The following RABEP1 variants were observed in gnomAD, a reference collection of about 807,000 sequenced individuals.
The protein encoded by RABEP1 is rabaptin, RAB GTPase binding effector protein 1, also known as rab GTPase-binding effector protein 1.
Under a neutral mutation model 123.4 loss-of-function variants are expected in RABEP1, and 51 were observed. That is an observed-to-expected ratio of 0.41 (90% confidence interval 0.33 to 0.52). The LOEUF (loss-of-function observed/expected upper bound fraction) is 0.52, where lower values mean the gene tolerates loss of function less well. Ranked by LOEUF, RABEP1 falls within the 20% of genes least tolerant of loss-of-function variation. The pLI is 0.16. For missense variants in RABEP1, 888 were observed against 996.3 expected (o/e 0.89, Z 1.46); for synonymous variants, 347 against 355.2 (o/e 0.98, Z 0.26).
At chr17:5,314,595 T>G (rs2075278003) in intron 2 of RABEP1, among the ~76,000 whole-genome samples, 2 of 150,952 alleles carry the variant, frequency 1.3e-5, no homozygotes, top group African/African-American at 2.4e-5. Context: ...CTCGGCTCAC[T>G]GCAAGCTCCG....
chr17:5,373,191 G>T (rs1910662324), intron 12 of RABEP1, 123 bp from the exon 13 acceptor site: 3 of 810,858 alleles, frequency 3.7e-6, no homozygotes, highest in Middle Eastern at 3.3e-4. Context: ...AAGTCTAGCA[G>T]AACTTCACCA....
intron 5 of RABEP1, among the ~76,000 whole-genome samples, chr17:5,344,665 G>A (rs974045439): frequency 1.3e-5 from 2 of 151,650 alleles, no homozygotes; most frequent in Admixed American, 1.3e-4. Context: ...CCAGCTACTT[G>A]GGAGGCTGAG....
chr17:5,291,270 C>A (rs948421100), intron 1 of RABEP1, among the ~76,000 whole-genome samples: 1 of 151,860 alleles, frequency 6.6e-6, no homozygotes, highest in African/African-American at 2.4e-5. Context: ...ATTAACTGGG[C>A]GTGGTGGTGG....
intron 11 of RABEP1, among the ~76,000 whole-genome samples, chr17:5,367,322 A>ACT (rs1380554975): frequency 5.3e-5 from 8 of 151,946 alleles, no homozygotes; most frequent in Middle Eastern, 6.8e-3. Flanking sequence ...CCCAGGCTAG[A>ACT]GTGCAGTGGC....
At chr17:5,356,649 C>CTTTTTTTTT (rs545704829) in intron 8 of RABEP1, 1 of 133,264 alleles carries the variant, frequency 7.5e-6, no homozygotes, top group African/African-American at 2.7e-5. Flanking sequence ...TAACATATTT[C>CTTTTTTTTT]TTTTTTTTTT....
intron 17 of RABEP1, among the ~76,000 whole-genome samples, chr17:5,382,279 A>C (rs1911538791): frequency 6.6e-6 from 1 of 151,290 alleles, no homozygotes; most frequent in South Asian, 2.1e-4. Context: ...ACAGGGTTTC[A>C]CCATGTTGGT....
At position 5,377,598 on chromosome 17, in the gene RABEP1, C is replaced by G. The variant is rs1438483849; in HGVS notation, c.2215+293C>G. Among the ~76,000 whole-genome samples, 3 of 140,504 alleles carry G rather than the reference C, an allele frequency of 2.1e-5. No homozygotes were observed. In the East Asian group the frequency reaches 6.4e-4, roughly 30 times the overall value. 92.2% of individuals were successfully genotyped at this position (140,504 alleles called of 152,430 possible). A position where few individuals can be genotyped will look rare whatever the true frequency, so the allele number is the denominator to read the frequency against. ...CTGGAGTGCAATGGCGCGATCTTGG[C>G]TCACCGCAACCTCTGCCTCCCAGGT... is the stretch of plus-strand genomic sequence containing the variant. On this transcript the variant is annotated intron_variant, in intron 14 of 17. Coordinates refer to ENST00000537505, the MANE Select transcript of RABEP1 (RefSeq NM_004703.6).
At chr17:5,323,736 C>CTAGGAATATATATA (rs1905638223) in intron 2 of RABEP1, among the ~76,000 whole-genome samples, 1 of 104,510 alleles carries the variant, frequency 9.6e-6, no homozygotes, top group South Asian at 2.9e-4. Context: ...ATATATATAT[C>CTAGGAATATATATA]TAGGAATATA....
At chr17:5,345,010 G>A (rs765720459) in intron 5 of RABEP1, among the ~76,000 whole-genome samples, 2 of 152,090 alleles carry the variant, frequency 1.3e-5, no homozygotes, top group African/African-American at 2.4e-5. Context: ...ATGAGCTGTC[G>A]GTTAACAAAA....
At chr17:5,331,514 G>A (rs1480678762) in intron 2 of RABEP1, among the ~76,000 whole-genome samples, 2 of 152,134 alleles carry the variant, frequency 1.3e-5, no homozygotes, top group Admixed American at 6.5e-5. Context: ...AAGAACATAC[G>A]TCTAGTCACT....
At chr17:5,303,929 A>G (rs1271420663) in intron 1 of RABEP1, among the ~76,000 whole-genome samples, 2 of 151,932 alleles carry the variant, frequency 1.3e-5, no homozygotes, top group Non-Finnish European at 2.9e-5. Context: ...GCGACTTGGG[A>G]GGCTGAGGCA....
At chr17:5,287,477 T>C (rs917635238) in intron 1 of RABEP1, among the ~76,000 whole-genome samples, 3 of 151,480 alleles carry the variant, frequency 2.0e-5, no homozygotes, top group African/African-American at 7.3e-5. Context: ...CACGCGCCTG[T>C]AATCCCAGCT....
At chr17:5,372,060 G>A (rs1405680133) in intron 12 of RABEP1, among the ~76,000 whole-genome samples, 1 of 151,978 alleles carries the variant, frequency 6.6e-6, no homozygotes, top group East Asian at 1.9e-4. Flanking sequence ...GGATTTGGTG[G>A]ATAACTTTTA....
At chr17:5,341,095 TC>T in intron 5 of RABEP1, among the ~76,000 whole-genome samples, 1 of 151,672 alleles carries the variant, frequency 6.6e-6, no homozygotes, top group South Asian at 2.1e-4. Flanking sequence ...GTAAGACTGA[TC>T]AGGAAAAATG....
rs978299300 is a variant in RABEP1, at chr17:5,386,194, C to T, written c.*2971C>T. On this transcript the variant is annotated 3_prime_UTR_variant, in exon 18 of 18. Coordinates refer to ENST00000537505, the MANE Select transcript of RABEP1 (RefSeq NM_004703.6). The stretch of plus-strand genomic sequence containing the variant: ...GGTGTTCAGTTCAGGTGTGAGTCAG[C>T]TCCTGGTGGTGTCAGAAGTTTACAT... 5 of 1,609,234 alleles carry T rather than the reference C, an allele frequency of 3.1e-6. No individual in the cohort carries two copies. The highest frequency in any genetic ancestry group is 1.3e-5 in the African/African-American group (1 of 74,802).
intron 1 of RABEP1, among the ~76,000 whole-genome samples, chr17:5,288,063 A>C (rs1422574350): frequency 6.6e-6 from 1 of 152,066 alleles, no homozygotes; most frequent in Non-Finnish European, 1.5e-5. Flanking sequence ...ATGGGATGCA[A>C]AAGAAACTGA....
At chr17:5,369,479 T>G (rs1910354124) in intron 12 of RABEP1, among the ~76,000 whole-genome samples, 1 of 152,192 alleles carries the variant, frequency 6.6e-6, no homozygotes, top group South Asian at 2.1e-4. Flanking sequence ...ATTGGCATTA[T>G]TAGGTCAGTA....
chr17:5,335,681 A>G (rs1358965754), intron 4 of RABEP1, among the ~76,000 whole-genome samples: 1 of 152,036 alleles, frequency 6.6e-6, no homozygotes, highest in Non-Finnish European at 1.5e-5. Flanking sequence ...ATATTTCCTT[A>G]TACTACACAG....
intron 5 of RABEP1, among the ~76,000 whole-genome samples, chr17:5,339,048 T>C (rs1297818932): frequency 6.6e-6 from 1 of 152,096 alleles, no homozygotes; most frequent in Middle Eastern, 3.2e-3. Context: ...TCCCACCTAC[T>C]TGGGAGACTG....
Sources: gnomAD v4.1 joint callset for allele counts (sites outside exome capture counted in the v4.1 genomes callset) on GRCh38, gnomAD v4.1.1 for gene constraint, MANE v1.5 for transcripts, NCBI Gene and HGNC (gene_info 2026-07-23, HGNC 2026-07-21) for gene names.